Variants in NUBPL observed in about 807,000 individuals in gnomAD.
The protein encoded by NUBPL is NUBP iron-sulfur cluster assembly factor, mitochondrial.
A neutral mutation model predicts 45.7 loss-of-function variants in NUBPL; 31 were observed. The ratio of observed to expected loss-of-function variants is 0.68; its 90% confidence interval spans 0.51 to 0.92. The LOEUF is 0.92. Among genes scored for constraint, NUBPL ranks in the 40% least tolerant of loss-of-function variants. NUBPL has a pLI of 0.00. For synonymous variants in NUBPL, 144 were observed against 140.9 expected (o/e 1.02, Z -0.15); for missense variants, 401 against 398.7 (o/e 1.01, Z -0.05).
intron 6 of NUBPL, among the ~76,000 whole-genome samples, chr14:31,712,943 G>T (rs536759154): frequency 6.6e-6 from 1 of 152,098 alleles, no homozygotes; most frequent in Non-Finnish European, 1.5e-5. Context: ...ACTGGTTAAC[G>T]AGAAGCAGGT....
At chr14:31,718,076 C>G (rs1271192695) in intron 6 of NUBPL, among the ~76,000 whole-genome samples, 1 of 152,204 alleles carries the variant, frequency 6.6e-6, no homozygotes, top group Non-Finnish European at 1.5e-5. Flanking sequence ...CCAAGAGTCA[C>G]TAACTGGTAT....
At chr14:31,756,016 G>T (rs1393782829) in intron 6 of NUBPL, among the ~76,000 whole-genome samples, 2 of 152,106 alleles carry the variant, frequency 1.3e-5, no homozygotes, top group Non-Finnish European at 2.9e-5. Flanking sequence ...TGTAGATAAT[G>T]CGGCGTTATT....
At chr14:31,629,628 T>C (rs936202102) in intron 4 of NUBPL, among the ~76,000 whole-genome samples, 1 of 152,160 alleles carries the variant, frequency 6.6e-6, no homozygotes, top group Non-Finnish European at 1.5e-5. Flanking sequence ...TGCTATCACA[T>C]AATTGCTTTA....
chr14:31,613,816 G>A (rs1205104938), intron 4 of NUBPL, among the ~76,000 whole-genome samples: 1 of 151,958 alleles, frequency 6.6e-6, no homozygotes, highest in Non-Finnish European at 1.5e-5. Flanking sequence ...CTATCTCCAT[G>A]TTGTGATTAT....
rs2040696664 is a variant in NUBPL, at chr14:31,860,471, C to G, written c.*1291C>G. On this transcript the variant is annotated 3_prime_UTR_variant, in exon 11 of 11. Transcript: ENST00000281081. ...AAACATTTATCTTGTCTAATTGAAG[C>G]TCAAAGAGATAGAGTCAATGACTTT... is the stretch of plus-strand genomic sequence containing the variant. 6.6e-6 allele frequency: 1 copy of G among 152,006 alleles called. No homozygotes were observed. Among genetic ancestry groups the G allele is most frequent in the South Asian group, 2.1e-4 (1 of 4,816 alleles). 9.4% of individuals were successfully genotyped at this position (152,006 alleles called of 1,614,324 possible).
At chr14:31,706,980 C>A (rs1000823483) in intron 6 of NUBPL, among the ~76,000 whole-genome samples, 6 of 152,210 alleles carry the variant, frequency 3.9e-5, no homozygotes, top group Admixed American at 2.6e-4. Flanking sequence ...AAACAGCTCA[C>A]ACGTTTGAGG....
At chr14:31,747,420 A>G (rs998918318) in intron 6 of NUBPL, among the ~76,000 whole-genome samples, 5 of 151,886 alleles carry the variant, frequency 3.3e-5, no homozygotes, top group African/African-American at 9.7e-5. Flanking sequence ...TAGAGGTGTG[A>G]GCCACCGCAT....
intron 6 of NUBPL, among the ~76,000 whole-genome samples, chr14:31,723,501 G>A (rs1566524212): frequency 6.6e-6 from 1 of 152,176 alleles, no homozygotes; most frequent in African/African-American, 2.4e-5. Flanking sequence ...AGTTTGATAA[G>A]ACTGCCATTG....
Position 31,629,510 on chromosome 14 carries a change from A to G in NUBPL, c.382+30131A>G, listed in dbSNP as rs559987983. ...AAATGTACCAAGTGATAATTAACTA[A>G]GACAGTGGAGTCATGTTGGAATATA... On this transcript the variant is annotated intron_variant, in intron 4 of 10. Coordinates refer to ENST00000281081, the MANE Select transcript of NUBPL (RefSeq NM_025152.3). Among the ~76,000 whole-genome samples the G allele has an allele frequency of 5.3e-5, 8 of 152,334 alleles. 1 individual carries two copies. The highest frequency in any genetic ancestry group is 1.4e-4 in the African/African-American group (6 of 41,574).
At chr14:31,570,799 T>C (rs183937527) in intron 3 of NUBPL, among the ~76,000 whole-genome samples, 190 of 152,306 alleles carry the variant, frequency 1.2e-3, no homozygotes, top group Non-Finnish European at 2.3e-3. Context: ...GTTCTGAAGA[T>C]ACAAAAATGA....
At chr14:31,748,588 T>C (rs1293498382) in intron 6 of NUBPL, among the ~76,000 whole-genome samples, 2 of 150,538 alleles carry the variant, frequency 1.3e-5, no homozygotes, top group Non-Finnish European at 1.5e-5. Context: ...TTTAATCTTA[T>C]ATAAGTATAG....
intron 3 of NUBPL, among the ~76,000 whole-genome samples, chr14:31,591,647 TG>T (rs1255093278): frequency 1.3e-5 from 2 of 152,128 alleles, no homozygotes. Flanking sequence ...AACACCAGAA[TG>T]TTTTTAAGCT....
intron 6 of NUBPL, among the ~76,000 whole-genome samples, chr14:31,706,048 C>T (rs528929480): frequency 6.9e-4 from 105 of 152,310 alleles, no homozygotes; most frequent in Middle Eastern, 6.8e-3. Flanking sequence ...GCCCCCATAG[C>T]GCATCGGCAG....
intron 4 of NUBPL, among the ~76,000 whole-genome samples, chr14:31,605,764 CCTT>C (rs1164014186): frequency 6.6e-6 from 1 of 150,900 alleles, no homozygotes; most frequent in African/African-American, 2.4e-5. Context: ...TCCTCCTTCT[CCTT>C]CTCCTTCTTC....
intron 4 of NUBPL, among the ~76,000 whole-genome samples, chr14:31,650,287 C>CT (rs35127795): frequency 0.012 from 1,387 of 116,512 alleles, 16 homozygotes; most frequent in Non-Finnish European, 0.017. Flanking sequence ...GGCTTTCTTT[C>CT]TTTTTTTTTT....
chr14:31,782,355 G>A (rs1049884140), intron 6 of NUBPL, among the ~76,000 whole-genome samples: 2 of 152,054 alleles, frequency 1.3e-5, no homozygotes, highest in Admixed American at 6.6e-5. Context: ...AGATTGCGCC[G>A]CTGCACTCCA....
intron 6 of NUBPL, among the ~76,000 whole-genome samples, chr14:31,719,138 A>G (rs1189925294): frequency 6.6e-6 from 1 of 152,144 alleles, no homozygotes; most frequent in Non-Finnish European, 1.5e-5. Flanking sequence ...ACACTAAAGA[A>G]TATGTGTTGT....
chr14:31,748,729 C>T (rs1355673286), intron 6 of NUBPL, among the ~76,000 whole-genome samples: 1 of 152,098 alleles, frequency 6.6e-6, no homozygotes, highest in Non-Finnish European at 1.5e-5. Context: ...TCTCCTGTCT[C>T]AGCCTCCTGA....
chr14:31,755,858 C>G (rs945671816), intron 6 of NUBPL, among the ~76,000 whole-genome samples: 11 of 150,750 alleles, frequency 7.3e-5, no homozygotes, highest in Non-Finnish European at 1.0e-4. Context: ...TTTAATCCAT[C>G]TTGAATTAAT....
Sources: gnomAD v4.1 joint callset for allele counts (sites outside exome capture counted in the v4.1 genomes callset) on GRCh38, gnomAD v4.1.1 for gene constraint, MANE v1.5 for transcripts, NCBI Gene and HGNC (gene_info 2026-07-23, HGNC 2026-07-21) for gene names.